IQCK: variants seen among roughly 807,000 people sequenced by gnomAD.
IQCK encodes IQ domain-containing protein K.
IQCK carries 29 observed loss-of-function variants against 28.1 expected under a neutral mutation model. That is an observed-to-expected ratio of 1.03 (90% CI 0.77 to 1.41). The LOEUF (loss-of-function observed/expected upper bound fraction) is 1.41. Ranked by LOEUF, IQCK falls within the 40% of genes most tolerant of loss-of-function variation. The pLI, the probability that IQCK is intolerant of heterozygous loss-of-function variation, is 0.00. For synonymous variants in IQCK, 113 were observed against 115.1 expected (o/e 0.98, Z 0.12); for missense variants, 359 against 314.7 (o/e 1.14, Z -1.07).
At chr16:19,727,074 T>C (rs1977677631) in intron 1 of IQCK, among the ~76,000 whole-genome samples, 1 of 149,172 alleles carries the variant, frequency 6.7e-6, no homozygotes, top group South Asian at 2.1e-4. Flanking sequence ...GAGGTCATAG[T>C]AAGCCGAGAT....
At chr16:19,738,789 ACT>A (rs906489225) in intron 4 of IQCK, among the ~76,000 whole-genome samples, 22 of 152,172 alleles carry the variant, frequency 1.4e-4, no homozygotes, top group African/African-American at 5.1e-4. Flanking sequence ...GAGTGGTGTC[ACT>A]CTTGTTCCTT....
chr16:19,765,174 A>T (rs2055212934), intron 6 of IQCK, among the ~76,000 whole-genome samples: 1 of 144,162 alleles, frequency 6.9e-6, no homozygotes, highest in African/African-American at 2.6e-5. Flanking sequence ...GTGAGCCCAG[A>T]TGGCTCCACT....
At chr16:19,775,379 G>C (rs1011200141) in intron 6 of IQCK, among the ~76,000 whole-genome samples, 3 of 151,980 alleles carry the variant, frequency 2.0e-5, no homozygotes, top group African/African-American at 7.3e-5. Flanking sequence ...CAGCTCATAA[G>C]GCAACTACTT....
At chr16:19,764,012 C>T (rs1376130057) in intron 5 of IQCK, 23 bp from the exon 6 acceptor site, 1 of 1,609,584 alleles carries the variant, frequency 6.2e-7, no homozygotes, top group Non-Finnish European at 8.5e-7. Flanking sequence ...TCTTGTCAAT[C>T]AAACATATGG....
chr16:19,749,445 A>G (rs537285838), intron 4 of IQCK, among the ~76,000 whole-genome samples: 12 of 152,240 alleles, frequency 7.9e-5, no homozygotes, highest in African/African-American at 2.9e-4. Flanking sequence ...ACACGAGCCT[A>G]TGTTTACTAT....
intron 4 of IQCK, among the ~76,000 whole-genome samples, chr16:19,736,621 T>C (rs1211092776): frequency 6.6e-6 from 1 of 152,192 alleles, no homozygotes; most frequent in East Asian, 1.9e-4. Flanking sequence ...ATGATCCAGA[T>C]GAAGAGAGTA....
At chr16:19,820,679 T>A (rs2141081370) in intron 7 of IQCK, among the ~76,000 whole-genome samples, 1 of 151,968 alleles carries the variant, frequency 6.6e-6, no homozygotes, top group South Asian at 2.1e-4. Flanking sequence ...AAATTTGATT[T>A]TATCAAAATT....
At chr16:19,757,647 G>A (rs1385739920) in intron 4 of IQCK, among the ~76,000 whole-genome samples, 2 of 152,150 alleles carry the variant, frequency 1.3e-5, no homozygotes. Flanking sequence ...TCCAGCCTGG[G>A]CAACAGAGTG....
intron 2 of IQCK, 148 bp from the exon 3 acceptor site, chr16:19,733,550 G>C: frequency 1.2e-6 from 1 of 825,392 alleles, no homozygotes. Context: ...TGTCTCAGGA[G>C]GGAAGGGAGA....
At chr16:19,781,470 C>T (rs1361686704) in intron 6 of IQCK, among the ~76,000 whole-genome samples, 2 of 152,054 alleles carry the variant, frequency 1.3e-5, no homozygotes, top group Non-Finnish European at 2.9e-5. Flanking sequence ...AGTGAAGGGG[C>T]CAAAGCAACA....
intron 7 of IQCK, among the ~76,000 whole-genome samples, chr16:19,812,523 A>G (rs894593783): frequency 6.6e-6 from 1 of 152,210 alleles, no homozygotes; most frequent in African/African-American, 2.4e-5. Flanking sequence ...CAGAGTTGGC[A>G]TTATTATGAC....
chr16:19,750,610 T>C (rs916349361), intron 4 of IQCK, among the ~76,000 whole-genome samples: 2 of 151,256 alleles, frequency 1.3e-5, no homozygotes, highest in African/African-American at 2.4e-5. Context: ...TATAGGTGTG[T>C]GCCACCATGC....
At chr16:19,748,777 A>G (rs548153800) in intron 4 of IQCK, among the ~76,000 whole-genome samples, 3 of 152,318 alleles carry the variant, frequency 2.0e-5, no homozygotes, top group African/African-American at 7.2e-5. Flanking sequence ...AATGATAGGT[A>G]TTAGTAAAAA....
chr16:19,735,622 A>G (rs1350914128), intron 4 of IQCK, 172 bp downstream of exon 4: 5 of 608,014 alleles, frequency 8.2e-6, no homozygotes, highest in African/African-American at 1.9e-5. Context: ...CTAGTTGTGC[A>G]CATACATGCG....
exon 1 of IQCK, chr16:19,718,325 A>G: frequency 6.2e-7 from 1 of 1,608,468 alleles, no homozygotes; most frequent in Non-Finnish European, 8.5e-7. Context: ...ACCGCGGCAA[A>G]TCCCCAGCCA....
intron 9 of IQCK, among the ~76,000 whole-genome samples, chr16:19,839,070 G>A (rs2056333411): frequency 6.6e-6 from 1 of 150,686 alleles, no homozygotes; most frequent in Non-Finnish European, 1.5e-5. Context: ...CTATCTTTCA[G>A]GGGAGGAAAC....
intron 7 of IQCK, among the ~76,000 whole-genome samples, chr16:19,793,643 G>GTTT (rs1285541664): frequency 0.018 from 1,143 of 61,840 alleles, 116 homozygotes; most frequent in East Asian, 0.029. Context: ...TCTCAGTTGG[G>GTTT]TTTTTTTTTT....
chr16:19,727,867 G>A (rs1383677812), intron 1 of IQCK, among the ~76,000 whole-genome samples: 2 of 152,050 alleles, frequency 1.3e-5, no homozygotes, highest in African/African-American at 4.8e-5. Context: ...GAAAAAAATG[G>A]TAGAGCTTGG....
chr16:19,810,178 C>T (rs1337857108), intron 7 of IQCK, among the ~76,000 whole-genome samples: 3 of 152,102 alleles, frequency 2.0e-5, no homozygotes, highest in East Asian at 1.9e-4. Flanking sequence ...TTCTACCTCT[C>T]CTTGACTCGG....
Sources: allele counts gnomAD v4.1 joint callset (sites outside exome capture counted in the v4.1 genomes callset), GRCh38; gene constraint gnomAD v4.1.1; transcripts MANE v1.5; gene names NCBI Gene and HGNC (gene_info 2026-07-23, HGNC 2026-07-21).